The following CASP14 variants were observed in gnomAD, a reference collection of about 807,000 sequenced individuals.
CASP14 encodes the protein caspase-14.
A neutral mutation model predicts 28.4 loss-of-function variants in CASP14; 27 were observed. That is an observed-to-expected ratio of 0.95 (90% CI 0.70 to 1.31). CASP14 has a LOEUF of 1.31. Ranked by LOEUF, CASP14 falls within the 50% of genes most tolerant of loss-of-function variation. The pLI is 0.00. For synonymous variants in CASP14, 115 were observed against 118.6 expected (o/e 0.97, Z 0.20); for missense variants, 323 against 312.8 (o/e 1.03, Z -0.25).
At chr19:15,050,321 T>TGA (rs55945511) in intron 1 of CASP14, among the ~76,000 whole-genome samples, 96 of 149,192 alleles carry the variant, frequency 6.4e-4, no homozygotes, top group East Asian at 1.6e-3. Context: ...TGTGTGTGTG[T>TGA]GAGAGAGAGA....
rs750592871 is a variant in CASP14 at position 15,053,570 on chromosome 19, T to C, written c.116T>C (p.Leu39Pro). ...GGTTCCGAAGAAGACCTGGATGCTCTGGAACACATGTTTCGGCAGCTGAGA... is the reference window on the plus strand; with the variant it reads ...GGTTCCGAAGAAGACCTGGATGCTCCGGAACACATGTTTCGGCAGCTGAGA... ...REGSEEDLDA[L>P]EHMFRQLRFE... The change falls in exon 3 of 7, where the codon CTG becomes CCG. Residue 39 changes from leucine to proline, a missense_variant. Transcript: ENST00000427043. 4 of 1,614,064 alleles carry C rather than the reference T, an allele frequency of 2.5e-6. No individual in the cohort carries two copies. In the African/African-American group the frequency reaches 4.0e-5, roughly 16 times the overall value.
chr19:15,053,446 C>G, intron 2 of CASP14, 36 bp from the exon 3 acceptor site: 1 of 1,613,342 alleles, frequency 6.2e-7, no homozygotes, highest in Non-Finnish European at 8.5e-7. Flanking sequence ...CTCCTTGAAC[C>G]TCTCCATGCT....
intron 2 of CASP14, 81 bp from the exon 3 acceptor site, chr19:15,053,401 C>T (rs1216668272): frequency 1.9e-6 from 3 of 1,563,686 alleles, no homozygotes; most frequent in Non-Finnish European, 1.8e-6. Flanking sequence ...AGCCACCACA[C>T]CCAGCCTGCA....
chr19:15,053,328 G>T lies in CASP14; in HGVS notation c.28-154G>T, dbSNP rs530459565. On this transcript the variant is annotated intron_variant, in intron 2 of 6. Transcript: ENST00000427043. ...TCACTATGTTGCCCAGGCTGGTCTC[G>T]AACTCTTGGGCTCAAGCAATCCTCC... is the stretch of plus-strand genomic sequence containing the variant. Among the ~76,000 whole-genome samples the T allele has an allele frequency of 4.6e-5, 7 of 151,950 alleles. No homozygotes were observed. The East Asian group carries it at 1.2e-3, about 25-fold the overall frequency.
chr19:15,056,603 TC>T lies in CASP14; in HGVS notation c.*516del, dbSNP rs1051741897. 5.9e-4 allele frequency: 91 copies of T among 154,410 alleles called. No individual in the cohort carries two copies. The highest frequency in any genetic ancestry group is 1.7e-3 in the Admixed American group (27 of 15,742). The allele number at this position is 154,410 out of a possible 1,614,324, so 9.6% of individuals were successfully genotyped here. On this transcript the variant is annotated 3_prime_UTR_variant, in exon 7 of 7. Transcript: ENST00000427043. ...AGTAAGGTAAGAACCATTCTTTCTC[TC>T]CAAAACCACTCCTCCTTGGCTGGCA...
At chr19:15,055,064 C>G in intron 4 of CASP14, 94 bp from the exon 5 acceptor site, 1 of 926,930 alleles carries the variant, frequency 1.1e-6, no homozygotes, top group Non-Finnish European at 1.7e-6. Flanking sequence ...TTCAGCCCCC[C>G]AAAACACTGG....
At position 15,056,341 on chromosome 19, in the gene CASP14, C is replaced by A. The variant is rs1600070268; in HGVS notation, c.*252C>A. 3 of 378,614 alleles carry A rather than the reference C, an allele frequency of 7.9e-6. No homozygotes were observed. The East Asian group carries it at 1.7e-4, about 22-fold the overall frequency. 23.5% of individuals were successfully genotyped at this position (378,614 alleles called of 1,614,324 possible). ...GGACTTTCTATCTTTATTAATGCAA[C>A]CGAAGAGACCTAAGAGTGCATTCAC... On this transcript the variant is annotated 3_prime_UTR_variant, in exon 7 of 7. Transcript: ENST00000427043.
chr19:15,052,387 CAG>C, intron 2 of CASP14, 109 bp downstream of exon 2: 1 of 1,107,030 alleles, frequency 9.0e-7, no homozygotes, highest in Non-Finnish European at 1.3e-6. Context: ...GATCTGAACT[CAG>C]AGCTAGGAGG....
At chr19:15,051,721 G>C (rs2046091796) in intron 1 of CASP14, among the ~76,000 whole-genome samples, 1 of 152,068 alleles carries the variant, frequency 6.6e-6, no homozygotes, top group Non-Finnish European at 1.5e-5. Flanking sequence ...GAGACCCAGT[G>C]AGATAATATC....
At chr19:15,053,683 A>C in intron 3 of CASP14, 50 bp from the exon 4 acceptor site, 1 of 1,613,654 alleles carries the variant, frequency 6.2e-7, no homozygotes, top group South Asian at 1.1e-5. Context: ...CTAGGTTGGA[A>C]GTGTAGGCTA....
Position 15,057,640 on chromosome 19 carries a change from G to A in CASP14, c.*1551G>A, listed in dbSNP as rs112071153. 0.13 allele frequency: 20,290 copies of A among 152,256 alleles called. 1,769 individuals are homozygous for A. Among genetic ancestry groups the A allele is most frequent in the African/African-American group, 0.26 (10,685 of 41,338 alleles). The allele number at this position is 152,256 out of a possible 1,614,324, so 9.4% of individuals were successfully genotyped here. ...GACAGTGGCTCACACCTGTATTCCC[G>A]ACTTTGAGAGTCTGAAGCGGGAGGA... is the stretch of plus-strand genomic sequence containing the variant. On this transcript the variant is annotated 3_prime_UTR_variant, in exon 7 of 7. Coordinates refer to ENST00000427043, the MANE Select transcript of CASP14 (RefSeq NM_012114.3).
rs2046122135 is a variant in CASP14, at chr19:15,057,318, C to G, written c.*1229C>G. 1.3e-5 allele frequency: 2 copies of G among 152,248 alleles called. No individual in the cohort carries two copies. The highest frequency in any genetic ancestry group is 4.8e-5 in the African/African-American group (2 of 41,444). 9.4% of individuals were successfully genotyped at this position (152,248 alleles called of 1,614,324 possible). ...AACCTCAGATCCCAGGTTCAGATTT[C>G]TGCAGTCAATCTATGACCCCTCTCT... is the stretch of plus-strand genomic sequence containing the variant. On this transcript the variant is annotated 3_prime_UTR_variant, in exon 7 of 7. Coordinates refer to ENST00000427043, the MANE Select transcript of CASP14 (RefSeq NM_012114.3).
Position 15,053,927 on chromosome 19 carries a change from C to G in CASP14, c.372C>G (p.Pro124=). 4 of 1,613,998 alleles carry G rather than the reference C, an allele frequency of 2.5e-6. No homozygotes were observed. Among genetic ancestry groups the G allele is most frequent in the Non-Finnish European group, 3.4e-6 (4 of 1,179,996 alleles). Residue 124 remains proline, a synonymous_variant, in exon 4 of 7, where the codon CCC becomes CCG. Transcript: ENST00000427043. ...ACTGCCAGGCCCTGCGAGCTAAGCC[C>G]AAGGTGTACATCATACAGGCCTGTC... ...NKNCQALRAK[P]KVYIIQACRG... is the part of the protein sequence containing the mutation.
chr19:15,053,984 G>A, intron 4 of CASP14, 26 bp downstream of exon 4: 1 of 1,580,004 alleles, frequency 6.3e-7, no homozygotes, highest in Non-Finnish European at 8.6e-7. Flanking sequence ...AGAGCACAGA[G>A]TCTGTGGTTT....
At chr19:15,053,662 G>A (rs1483740203) in intron 3 of CASP14, 31 bp downstream of exon 3, 12 of 1,613,998 alleles carry the variant, frequency 7.4e-6, no homozygotes, top group East Asian at 4.5e-5. Context: ...GGCCTGTTTG[G>A]GGGAAAGGTA....
In CASP14 at chr19:15,053,513, C is replaced by T. The variant is rs1201821794; in HGVS notation, c.59C>T (p.Ala20Val). The T allele has an allele frequency of 1.2e-6, 2 of 1,614,120 alleles. No homozygotes were observed. The highest frequency in any genetic ancestry group is 3.3e-5 in the Admixed American group (2 of 60,004). Residue 20 changes from alanine (A) to valine (V), a missense_variant, in exon 3 of 7, where the codon GCC (alanine) becomes GTC (valine). By Grantham distance (64) the Ala-to-Val change is moderately conservative (BLOSUM62 0). Coordinates refer to ENST00000427043, the MANE Select transcript of CASP14 (RefSeq NM_012114.3). The stretch of plus-strand genomic sequence containing the variant: ...TATGATATGTCAGGTGCCCGCCTGG[C>T]CCTAATACTGTGTGTCACCAAAGCC... ...EKYDMSGARL[A>V]LILCVTKARE...
chr19:15,054,968 C>G, intron 4 of CASP14, 190 bp from the exon 5 acceptor site: 1 of 571,410 alleles, frequency 1.8e-6, no homozygotes, highest in Non-Finnish European at 3.1e-6. Flanking sequence ...GAGGCGACAT[C>G]TCGCTCTGTC....
chr19:15,051,502 CAAAAAAA>C lies in CASP14; in HGVS notation c.-46-691_-46-685del, dbSNP rs3040744. Among the ~76,000 whole-genome samples the C allele has an allele frequency of 8.0e-4, 68 of 84,664 alleles. 1 individual carries two copies. In the Middle Eastern group the frequency reaches 0.035, roughly 44 times the overall value. 55.5% of individuals were successfully genotyped at this position (84,664 alleles called of 152,430 possible). Reference sequence around the variant, plus strand: ...TGGGTGACAGAGTGAGATTCTGTCTCAAAAAAAAAAAAAAAAAAAGCAAAAAGCATTC... The same window carrying C: ...TGGGTGACAGAGTGAGATTCTGTCTCAAAAAAAAAAAAGCAAAAAGCATTC... On this transcript the variant is annotated intron_variant, in intron 1 of 6. Coordinates refer to ENST00000427043, the MANE Select transcript of CASP14 (RefSeq NM_012114.3).
At position 15,056,275 on chromosome 19, in the gene CASP14, AC is replaced by A. The variant is rs2046117186; in HGVS notation, c.*187del. ...TAGAGCAAGCCAGCCAAAACTTAGC[AC>A]AAGGCATGGTGGCAACATTAACATC... On this transcript the variant is annotated 3_prime_UTR_variant, in exon 7 of 7. Coordinates refer to ENST00000427043, the MANE Select transcript of CASP14 (RefSeq NM_012114.3). 1 of 519,326 alleles carries A rather than the reference AC, an allele frequency of 1.9e-6. No individual in the cohort carries two copies. The highest frequency in any genetic ancestry group is 1.9e-5 in the African/African-American group (1 of 51,804). 32.2% of individuals were successfully genotyped at this position (519,326 alleles called of 1,614,324 possible).
Sources: gnomAD v4.1 joint callset for allele counts (sites outside exome capture counted in the v4.1 genomes callset) on GRCh38, gnomAD v4.1.1 for gene constraint, MANE v1.5 for transcripts, NCBI Gene and HGNC (gene_info 2026-07-23, HGNC 2026-07-21) for gene names.